Variants in NAALADL2 observed in about 807,000 individuals in gnomAD.
NAALADL2 encodes N-acetylated alpha-linked acidic dipeptidase like 2.
NAALADL2 carries 76 observed loss-of-function variants against 87.2 expected under a neutral mutation model. The ratio of observed to expected loss-of-function variants is 0.87; its 90% CI spans 0.72 to 1.05. The LOEUF (loss-of-function observed/expected upper bound fraction) is 1.05. Among genes scored for constraint, NAALADL2 ranks in the 50% least tolerant of loss-of-function variants. The pLI, the probability that NAALADL2 is intolerant of heterozygous loss-of-function variation, is 0.00. For synonymous variants in NAALADL2, 354 were observed against 331.0 expected (o/e 1.07, Z -0.75); for missense variants, 1,089 against 945.8 (o/e 1.15, Z -1.99).
intron 5 of NAALADL2, among the ~76,000 whole-genome samples, chr3:175,333,068 G>A (rs973045484): frequency 6.6e-6 from 1 of 152,176 alleles, no homozygotes; most frequent in Non-Finnish European, 1.5e-5. Flanking sequence ...TAGCATTGGT[G>A]GGTTGGACAT....
At chr3:175,271,546 C>G (rs758022286) in intron 4 of NAALADL2, among the ~76,000 whole-genome samples, 2 of 152,130 alleles carry the variant, frequency 1.3e-5, no homozygotes, top group East Asian at 1.9e-4. Flanking sequence ...AATCCCAGCA[C>G]TTTGGCAGGC....
At chr3:174,532,375 C>G (rs1369671787) in intron 1 of NAALADL2, among the ~76,000 whole-genome samples, 2 of 152,036 alleles carry the variant, frequency 1.3e-5, no homozygotes, top group Non-Finnish European at 1.5e-5. Context: ...CTAGCTCTGC[C>G]AAGTTCTTAT....
intron 11 of NAALADL2, among the ~76,000 whole-genome samples, chr3:175,661,988 G>A (rs747394939): frequency 1.3e-5 from 2 of 151,898 alleles, no homozygotes; most frequent in Admixed American, 1.3e-4. Flanking sequence ...GTCTTTTGTG[G>A]TTCCATACAC....
chr3:174,987,580 A>AT lies in NAALADL2; in HGVS notation c.44-109210_44-109209insT, dbSNP rs1560445946. ...CGAGACTCCGTCTCAAAAAAAAAAA[A>AT]AAAAAAAAAAAAAAAAAACAATACT... On this transcript the variant is annotated intron_variant, in intron 1 of 13. Coordinates refer to ENST00000454872, the MANE Select transcript of NAALADL2 (RefSeq NM_207015.3). Among the ~76,000 whole-genome samples, 629 of 120,526 alleles carry AT rather than the reference A, an allele frequency of 5.2e-3. 29 individuals carry two copies. The highest frequency in any genetic ancestry group is 0.029 in the African/African-American group (613 of 21,002). The allele number at this position is 120,526 out of a possible 152,430, so 79.1% of individuals were successfully genotyped here.
chr3:174,833,521 G>A (rs1722978348), intron 3 of NAALADL2, among the ~76,000 whole-genome samples: 1 of 152,004 alleles, frequency 6.6e-6, no homozygotes, highest in African/African-American at 2.4e-5. Context: ...GGAAAATAAA[G>A]GAAGAGGAAA....
At chr3:174,566,033 T>C (rs1714217625) in intron 2 of NAALADL2, among the ~76,000 whole-genome samples, 1 of 151,956 alleles carries the variant, frequency 6.6e-6, no homozygotes, top group African/African-American at 2.4e-5. Flanking sequence ...TTTGCATGTC[T>C]TGTTTTTTAT....
At chr3:175,743,845 A>G (rs926124150) in intron 12 of NAALADL2, among the ~76,000 whole-genome samples, 1 of 152,218 alleles carries the variant, frequency 6.6e-6, no homozygotes, top group Non-Finnish European at 1.5e-5. Context: ...AGAGTGTGGC[A>G]CATGGTTGCT....
At chr3:175,099,734 T>C (rs1328358623) in intron 2 of NAALADL2, among the ~76,000 whole-genome samples, 1 of 152,168 alleles carries the variant, frequency 6.6e-6, no homozygotes, top group Non-Finnish European at 1.5e-5. Context: ...TCTAAACCTA[T>C]GTCAGTTCTT....
intron 2 of NAALADL2, among the ~76,000 whole-genome samples, chr3:174,724,009 C>A (rs945132578): frequency 6.6e-6 from 1 of 151,898 alleles, no homozygotes; most frequent in Non-Finnish European, 1.5e-5. Flanking sequence ...AGAAGAAATT[C>A]CCTTAAAATA....
At chr3:175,733,846 C>T (rs1744125177) in intron 11 of NAALADL2, among the ~76,000 whole-genome samples, 1 of 152,204 alleles carries the variant, frequency 6.6e-6, no homozygotes, top group Non-Finnish European at 1.5e-5. Context: ...CCATGCAAGT[C>T]CAAAATCCAG....
chr3:174,801,207 A>G (rs73174757), intron 3 of NAALADL2, among the ~76,000 whole-genome samples: 17,174 of 152,120 alleles, frequency 0.11, 1,259 homozygotes, highest in Non-Finnish European at 0.15. Flanking sequence ...CCCCACCCAA[A>G]TCTCTTCTGT....
At chr3:175,718,737 G>T in intron 11 of NAALADL2, 12 of 1,130,616 alleles carry the variant, frequency 1.1e-5, no homozygotes, top group African/African-American at 1.5e-5. Context: ...ACCAACCTGG[G>T]CAACATAGCA....
chr3:175,672,533 A>C (rs1332524962), intron 11 of NAALADL2, among the ~76,000 whole-genome samples: 3 of 152,124 alleles, frequency 2.0e-5, no homozygotes, highest in Non-Finnish European at 4.4e-5. Flanking sequence ...GCTTTAGAAA[A>C]AGACAGGGAA....
chr3:174,968,932 A>G (rs1743242491), intron 1 of NAALADL2, among the ~76,000 whole-genome samples: 1 of 152,182 alleles, frequency 6.6e-6, no homozygotes, highest in Non-Finnish European at 1.5e-5. Flanking sequence ...GGGCCTGCTA[A>G]TGTGCCCAGC....
Position 175,090,605 on chromosome 3 carries a change from A to G in NAALADL2, c.44-6185A>G, listed in dbSNP as rs1314473642. Among the ~76,000 whole-genome samples the G allele has an allele frequency of 2.0e-5, 3 of 150,956 alleles. No homozygotes were observed. In the East Asian group the frequency reaches 5.9e-4, roughly 30 times the overall value. On this transcript the variant is annotated intron_variant, in intron 1 of 13. Coordinates refer to ENST00000454872, the MANE Select transcript of NAALADL2 (RefSeq NM_207015.3). ...TCAAATGGCTTTGACTACATTTTGCAATCTATAGCTCATTAATTTGACATT... is the reference window on the plus strand; with the variant it reads ...TCAAATGGCTTTGACTACATTTTGCGATCTATAGCTCATTAATTTGACATT...
Position 175,614,009 on chromosome 3 carries a change from A to G in NAALADL2, c.1801-13282A>G, listed in dbSNP as rs115646428. On this transcript the variant is annotated intron_variant, in intron 10 of 13. Coordinates refer to ENST00000454872, the MANE Select transcript of NAALADL2 (RefSeq NM_207015.3). ...CAGTGATTCTCAAGAGATATACAATATCCCACAATATACTGCTCTCACAAA... is the reference window on the plus strand; with the variant it reads ...CAGTGATTCTCAAGAGATATACAATGTCCCACAATATACTGCTCTCACAAA... Among the ~76,000 whole-genome samples, 931 of 152,266 alleles carry G rather than the reference A, an allele frequency of 6.1e-3. 13 individuals are homozygous for G. The highest frequency in any genetic ancestry group is 0.021 in the African/African-American group (892 of 41,560).
chr3:174,760,048 C>A (rs2109067986), intron 3 of NAALADL2, among the ~76,000 whole-genome samples: 1 of 152,304 alleles, frequency 6.6e-6, no homozygotes, highest in African/African-American at 2.4e-5. Flanking sequence ...AGAACATTCT[C>A]ATGGATCTTA....
At chr3:175,772,707 G>T (rs1027997191) in intron 13 of NAALADL2, among the ~76,000 whole-genome samples, 1 of 152,100 alleles carries the variant, frequency 6.6e-6, no homozygotes, top group African/African-American at 2.4e-5. Flanking sequence ...GCTATTCAGA[G>T]GCCTGAGTTT....
At chr3:175,335,288 A>G (rs1038195958) in intron 5 of NAALADL2, among the ~76,000 whole-genome samples, 8 of 152,234 alleles carry the variant, frequency 5.3e-5, no homozygotes, top group African/African-American at 1.9e-4. Flanking sequence ...ATGGCTTTAC[A>G]GAGAATTTCT....
Sources: allele counts gnomAD v4.1 joint callset (sites outside exome capture counted in the v4.1 genomes callset), GRCh38; gene constraint gnomAD v4.1.1; transcripts MANE v1.5; gene names NCBI Gene and HGNC (gene_info 2026-07-23, HGNC 2026-07-21).